ITGA9: variants seen among roughly 807,000 people sequenced by gnomAD.
ITGA9 encodes integrin alpha-9.
Under a neutral mutation model 127.8 loss-of-function variants are expected in ITGA9, and 56 were observed. That is an observed-to-expected ratio of 0.44 (90% CI 0.35 to 0.55). ITGA9 has a LOEUF of 0.55. Ranked by LOEUF, ITGA9 falls within the 20% of genes least tolerant of loss-of-function variation. The pLI is 0.00. For synonymous variants in ITGA9, 508 were observed against 514.5 expected (o/e 0.99, Z 0.17); for missense variants, 1,196 against 1,347.1 (o/e 0.89, Z 1.76).
chr3:37,777,447 T>G lies in ITGA9; in HGVS notation c.2597T>G (p.Ile866Ser), dbSNP rs1033987139. The change falls in exon 24 of 28, where the codon ATC (isoleucine) becomes AGC (serine). Residue 866 changes from isoleucine (I) to serine (S), a missense_variant. Transcript: ENST00000264741. Reference protein sequence around the residue: ...SFQKNPTPCIIPQEQENIFHT... With the variant: ...SFQKNPTPCISPQEQENIFHT... ...CAGAAAAACCCAACTCCCTGCATCA[T>G]CCCTCAAGAACAAGAAAATATCTTC... The G allele has an allele frequency of 6.2e-7, 1 of 1,613,938 alleles. No individual in the cohort carries two copies. The highest frequency in any genetic ancestry group is 1.3e-5 in the African/African-American group (1 of 74,924).
At chr3:37,664,696 C>T (rs1700568930) in intron 17 of ITGA9, among the ~76,000 whole-genome samples, 1 of 151,870 alleles carries the variant, frequency 6.6e-6, no homozygotes, top group Non-Finnish European at 1.5e-5. Flanking sequence ...ACCACCGCGC[C>T]TGGCCGAGTC....
chr3:37,560,465 C>T (rs1699476155), intron 15 of ITGA9, among the ~76,000 whole-genome samples: 1 of 152,072 alleles, frequency 6.6e-6, no homozygotes, highest in Admixed American at 6.5e-5. Flanking sequence ...GGGTATATAC[C>T]CAGTAATGGG....
intron 17 of ITGA9, among the ~76,000 whole-genome samples, chr3:37,674,442 A>G (rs1180284106): frequency 6.6e-6 from 1 of 152,220 alleles, no homozygotes; most frequent in Non-Finnish European, 1.5e-5. Context: ...TGCATGCCCT[A>G]TAGACAGAGG....
intron 3 of ITGA9, among the ~76,000 whole-genome samples, chr3:37,481,078 A>G (rs1698547067): frequency 6.6e-6 from 1 of 152,050 alleles, no homozygotes; most frequent in South Asian, 2.1e-4. Flanking sequence ...TGAGCCTCTG[A>G]GCCTTTCTCA....
intron 18 of ITGA9, among the ~76,000 whole-genome samples, chr3:37,705,951 A>G (rs1015545559): frequency 6.6e-6 from 1 of 152,216 alleles, no homozygotes; most frequent in Middle Eastern, 3.2e-3. Flanking sequence ...GCCAGGCCCC[A>G]TGTGGTATCT....
intron 1 of ITGA9, among the ~76,000 whole-genome samples, chr3:37,467,508 T>C (rs1698385023): frequency 6.6e-6 from 1 of 152,194 alleles, no homozygotes; most frequent in Admixed American, 6.5e-5. Context: ...CCTATGAATC[T>C]GTGTCTGTGA....
At chr3:37,688,036 C>G (rs1700798026) in intron 18 of ITGA9, among the ~76,000 whole-genome samples, 1 of 152,222 alleles carries the variant, frequency 6.6e-6, no homozygotes, top group African/African-American at 2.4e-5. Flanking sequence ...TGCTGGAGGA[C>G]CGATCCCCCA....
chr3:37,639,049 G>A (rs376375500), intron 16 of ITGA9, among the ~76,000 whole-genome samples: 5 of 152,254 alleles, frequency 3.3e-5, no homozygotes, highest in East Asian at 3.9e-4. Context: ...GATTCTGGGC[G>A]CTCTGGGGAC....
intron 2 of ITGA9, among the ~76,000 whole-genome samples, 182 bp from the exon 3 acceptor site, chr3:37,473,168 AAAAG>A (rs1559514816): frequency 2.6e-5 from 4 of 151,284 alleles, no homozygotes; most frequent in African/African-American, 4.9e-5. Context: ...AAAAGAAAGA[AAAAG>A]AAAGCCTTGC....
chr3:37,631,292 ATC>A (rs1222477588), intron 16 of ITGA9, among the ~76,000 whole-genome samples: 5 of 152,218 alleles, frequency 3.3e-5, no homozygotes, highest in Admixed American at 1.3e-4. Context: ...CAGTGAACCT[ATC>A]TCTCATTCCT....
In ITGA9 at chr3:37,741,812, A is replaced by G; in HGVS notation, c.2317A>G (p.Ile773Val). 1 of 1,613,120 alleles carries G rather than the reference A, an allele frequency of 6.2e-7. No individual in the cohort carries two copies. The highest frequency in any genetic ancestry group is 1.1e-5 in the South Asian group (1 of 90,790). Residue 773 changes from isoleucine to valine, a missense_variant, in exon 21 of 28, where the codon ATC becomes GTC. Transcript: ENST00000264741. ...VPLMHEVDTSITGIMSPTSFV... is the reference protein window; with the variant it reads ...VPLMHEVDTSVTGIMSPTSFV... Reference sequence around the variant, plus strand: ...ACTGATGCACGAGGTGGACACGTCCATCACCGGGTGAGTAGCCTGGTCCTG... The same window carrying G: ...ACTGATGCACGAGGTGGACACGTCCGTCACCGGGTGAGTAGCCTGGTCCTG...
chr3:37,505,221 T>G (rs1312236305), intron 6 of ITGA9, among the ~76,000 whole-genome samples: 1 of 152,162 alleles, frequency 6.6e-6, no homozygotes, highest in African/African-American at 2.4e-5. Flanking sequence ...GCATGTTGTT[T>G]AACAGGTTTT....
chr3:37,569,232 T>C (rs908404722), intron 15 of ITGA9, among the ~76,000 whole-genome samples: 1 of 152,188 alleles, frequency 6.6e-6, no homozygotes, highest in Non-Finnish European at 1.5e-5. Context: ...AACTCCTCAT[T>C]ATAAAACCAT....
At chr3:37,692,758 A>G (rs574011763) in intron 18 of ITGA9, among the ~76,000 whole-genome samples, 2 of 152,304 alleles carry the variant, frequency 1.3e-5, no homozygotes, top group South Asian at 4.1e-4. Flanking sequence ...AGCGAAGTTT[A>G]GATAATGAGG....
Position 37,515,188 on chromosome 3 carries a change from G to T in ITGA9, c.1035+1288G>T, listed in dbSNP as rs142894848. Among the ~76,000 whole-genome samples, 296 of 152,320 alleles carry T rather than the reference G, an allele frequency of 1.9e-3. 2 individuals are homozygous for T. The highest frequency in any genetic ancestry group is 6.5e-3 in the African/African-American group (270 of 41,554). ...GGGATGAAAACTGCATGTACAACCA[G>T]TCCTCAGAAATATGCCAAATACATA... On this transcript the variant is annotated intron_variant, in intron 9 of 27. Transcript: ENST00000264741.
intron 3 of ITGA9, among the ~76,000 whole-genome samples, chr3:37,480,768 C>T (rs1037855008): frequency 6.6e-6 from 1 of 152,196 alleles, no homozygotes; most frequent in Non-Finnish European, 1.5e-5. Flanking sequence ...GGCCTGTCAG[C>T]TCTGAAGCCA....
chr3:37,812,892 G>T (rs1405291565), intron 27 of ITGA9, among the ~76,000 whole-genome samples: 1 of 152,268 alleles, frequency 6.6e-6, no homozygotes, highest in Non-Finnish European at 1.5e-5. Context: ...ATCCAGCTTA[G>T]CCCATCATTA....
At chr3:37,588,754 G>A (rs1699784382) in intron 15 of ITGA9, among the ~76,000 whole-genome samples, 1 of 152,210 alleles carries the variant, frequency 6.6e-6, no homozygotes, top group Non-Finnish European at 1.5e-5. Context: ...AGGGACTTCG[G>A]CGGAAGCCAT....
At chr3:37,469,378 C>T (rs559838893) in intron 1 of ITGA9, among the ~76,000 whole-genome samples, 2 of 152,282 alleles carry the variant, frequency 1.3e-5, no homozygotes, top group African/African-American at 4.8e-5. Context: ...CCTAAATGTC[C>T]ATGCTGTGTG....
Sources: gnomAD v4.1 joint callset for allele counts (sites outside exome capture counted in the v4.1 genomes callset) on GRCh38, gnomAD v4.1.1 for gene constraint, MANE v1.5 for transcripts, NCBI Gene and HGNC (gene_info 2026-07-23, HGNC 2026-07-21) for gene names.